Variants in CADM1 observed in about 807,000 individuals in gnomAD.
The protein encoded by CADM1 is cell adhesion molecule 1.
Under a neutral mutation model 53.1 loss-of-function variants are expected in CADM1, and 15 were observed. That is an observed-to-expected ratio of 0.28 (90% CI 0.19 to 0.44). The LOEUF is 0.44. CADM1 is among the 20% of genes least tolerant of loss of function. The pLI is 1.00. For missense variants in CADM1, 434 were observed against 611.3 expected, an observed-to-expected ratio of 0.71 and a Z score of 3.06; for synonymous variants, 281 against 243.0, an observed-to-expected ratio of 1.16 and a Z score of -1.45.
chr11:115,495,160 T>C (rs1949582571), intron 1 of CADM1, among the ~76,000 whole-genome samples: 1 of 152,180 alleles, frequency 6.6e-6, no homozygotes, highest in Non-Finnish European at 1.5e-5. Context: ...TTTTTCTCCC[T>C]ATCTTTGAAG....
At chr11:115,230,944 A>T (rs942124773) in intron 4 of CADM1, among the ~76,000 whole-genome samples, 1 of 152,230 alleles carries the variant, frequency 6.6e-6, no homozygotes, top group African/African-American at 2.4e-5. Flanking sequence ...TTTTAAATGT[A>T]TACCCTGAAA....
intron 1 of CADM1, among the ~76,000 whole-genome samples, chr11:115,338,110 A>AAAGGAGAAAGAGGAGGAG (rs1394061395): frequency 5.3e-5 from 8 of 152,294 alleles, no homozygotes; most frequent in African/African-American, 1.7e-4. Flanking sequence ...AGCAGGAGGA[A>AAAGGAGAAAGAGGAGGAG]AAGGAGAAAG....
At chr11:115,178,985 T>C in intron 10 of CADM1, 1 of 605,436 alleles carries the variant, frequency 1.7e-6, no homozygotes, top group Non-Finnish European at 3.0e-6. Flanking sequence ...AATTTCATGA[T>C]AAGCAGCATA....
At chr11:115,414,301 C>G (rs559048648) in intron 1 of CADM1, among the ~76,000 whole-genome samples, 117 of 152,066 alleles carry the variant, frequency 7.7e-4, no homozygotes, top group Non-Finnish European at 1.5e-3. Context: ...CCCTAGTTAT[C>G]TTAATATTCA....
chr11:115,275,554 G>A (rs949729966), intron 1 of CADM1, among the ~76,000 whole-genome samples: 1 of 152,168 alleles, frequency 6.6e-6, no homozygotes, highest in Non-Finnish European at 1.5e-5. Context: ...TGGTAGCATA[G>A]GGACACATGA....
intron 1 of CADM1, chr11:115,287,546 C>T (rs1474057350): frequency 6.6e-6 from 1 of 152,238 alleles, no homozygotes; most frequent in African/African-American, 2.4e-5. Flanking sequence ...TTGAACACTA[C>T]CACACTGGAG....
chr11:115,354,675 G>T (rs534884523), intron 1 of CADM1, among the ~76,000 whole-genome samples: 1 of 152,292 alleles, frequency 6.6e-6, no homozygotes, highest in Admixed American at 6.5e-5. Context: ...CAATAGGGAG[G>T]TCATGGGAAA....
intron 10 of CADM1, chr11:115,190,574 C>T (rs1369965755): frequency 3.5e-5 from 9 of 258,268 alleles, no homozygotes; most frequent in South Asian, 2.7e-4. Flanking sequence ...AAATTTCTCC[C>T]GACACATTAT....
At chr11:115,190,031 G>A (rs893444911) in intron 10 of CADM1, among the ~76,000 whole-genome samples, 6 of 152,294 alleles carry the variant, frequency 3.9e-5, no homozygotes, top group East Asian at 1.9e-4. Flanking sequence ...CAGTAAAAGC[G>A]CCTCTGGAAT....
chr11:115,380,616 C>T (rs1207065620), intron 1 of CADM1, among the ~76,000 whole-genome samples: 1 of 152,186 alleles, frequency 6.6e-6, no homozygotes, highest in Non-Finnish European at 1.5e-5. Flanking sequence ...TCCCTTGCAA[C>T]TTTTAAATAC....
chr11:115,274,706 T>C (rs1308397198), intron 1 of CADM1, among the ~76,000 whole-genome samples: 4 of 152,228 alleles, frequency 2.6e-5, no homozygotes, highest in African/African-American at 9.6e-5. Context: ...ATAGTCCTCA[T>C]AGGATTAATA....
rs139012671 is a variant in CADM1, at chr11:115,308,211, T to TATATACATAC, written c.125-67792_125-67791insGTATGTATAT. On this transcript the variant is annotated intron_variant, in intron 1 of 11. Transcript: ENST00000331581. ...ATAGGTGTGTATATATATATATATA[T>TATATACATAC]ACACACCTATGAGAAGGTTTTTGTC... Among the ~76,000 whole-genome samples, 22 of 139,384 alleles carry TATATACATAC rather than the reference T, an allele frequency of 1.6e-4. 1 individual carries two copies. Among genetic ancestry groups the TATATACATAC allele is most frequent in the African/African-American group, 6.0e-4 (22 of 36,806 alleles). The allele number at this position is 139,384 out of a possible 152,430, so 91.4% of individuals were successfully genotyped here.
In CADM1 at chr11:115,240,366, G is replaced by A. The variant is rs986045773; in HGVS notation, c.179C>T (p.Ala60Val). Residue 60 changes from alanine to valine, a missense_variant, in exon 2 of 12, where the codon GCG becomes GTG. Physicochemically the swap from Ala to Val is moderately conservative, Grantham distance 64. Coordinates refer to ENST00000331581, the MANE Select transcript of CADM1 (RefSeq NM_001301043.2). ...CTTATTGACTTGGCAACTGATGGTC[G>A]CAACCTCTCCCTCGATCACTGTCAC... ...KDVTVIEGEV[A>V]TISCQVNKSD... The A allele has an allele frequency of 1.2e-6, 2 of 1,613,666 alleles. No homozygotes were observed. The highest frequency in any genetic ancestry group is 1.7e-6 in the Non-Finnish European group (2 of 1,179,794).
intron 1 of CADM1, among the ~76,000 whole-genome samples, chr11:115,268,473 T>G (rs1446083233): frequency 6.6e-6 from 1 of 152,088 alleles, no homozygotes; most frequent in Non-Finnish European, 1.5e-5. Context: ...CATTAAGTCT[T>G]AAAGCTACCT....
intron 9 of CADM1, among the ~76,000 whole-genome samples, chr11:115,194,560 TG>T (rs1313694258): frequency 6.6e-6 from 1 of 152,102 alleles, no homozygotes; most frequent in Non-Finnish European, 1.5e-5. Context: ...AAAAACTCAT[TG>T]GGGATATGAA....
chr11:115,181,166 G>C (rs1053372544), intron 10 of CADM1, among the ~76,000 whole-genome samples: 2 of 145,684 alleles, frequency 1.4e-5, no homozygotes, highest in Admixed American at 1.4e-4. Context: ...GAAGCCTGAG[G>C]GGGGAGGGGG....
At chr11:115,400,445 T>C (rs1426256784) in intron 1 of CADM1, among the ~76,000 whole-genome samples, 1 of 151,172 alleles carries the variant, frequency 6.6e-6, no homozygotes, top group African/African-American at 2.4e-5. Context: ...ATGGCCTTTT[T>C]AATAAATGAT....
chr11:115,409,252 A>G (rs774230598), intron 1 of CADM1, among the ~76,000 whole-genome samples: 1 of 152,210 alleles, frequency 6.6e-6, no homozygotes, highest in Admixed American at 6.5e-5. Context: ...CAGGCACTCA[A>G]AGAAGACATC....
intron 7 of CADM1, among the ~76,000 whole-genome samples, chr11:115,211,017 G>GT (rs1940931236): frequency 6.7e-6 from 1 of 148,194 alleles, no homozygotes; most frequent in African/African-American, 2.4e-5. Context: ...GCAGCCTCAC[G>GT]TGAGTCCAAA....
Sources: allele counts gnomAD v4.1 joint callset (sites outside exome capture counted in the v4.1 genomes callset), GRCh38; gene constraint gnomAD v4.1.1; transcripts MANE v1.5; gene names NCBI Gene and HGNC (gene_info 2026-07-23, HGNC 2026-07-21).